Variants in MED17 observed in about 807,000 individuals in gnomAD.
MED17 encodes the protein mediator complex subunit 17, also known as mediator of RNA polymerase II transcription subunit 17.
A neutral mutation model predicts 80.8 loss-of-function variants in MED17; 49 were observed. The ratio of observed to expected loss-of-function variants is 0.61; its 90% CI spans 0.48 to 0.77. The LOEUF (loss-of-function observed/expected upper bound fraction) is 0.77, where lower values mean the gene tolerates loss of function less well. MED17 is among the 30% of genes least tolerant of loss of function. The probability of loss-of-function intolerance (pLI) is 0.00; values close to 1 mark genes in which losing one functional copy is unlikely to be tolerated. For missense variants in MED17, 718 were observed against 787.0 expected, an observed-to-expected ratio of 0.91 and a Z score of 1.05; for synonymous variants, 281 against 280.4, an observed-to-expected ratio of 1.00 and a Z score of -0.02.
rs1943902275 is a variant in MED17 at position 93,796,464 on chromosome 11, A to G, written c.1067A>G (p.Lys356Arg). The part of the protein sequence containing the change: ...CHSSNDKKSQ[K>R]FATEKQCPED... ...TCCTCAAATGATAAGAAATCCCAAAAATTTGCTACTGAGAAGCAATGTCCG... is the reference window on the plus strand; with the variant it reads ...TCCTCAAATGATAAGAAATCCCAAAGATTTGCTACTGAGAAGCAATGTCCG... Residue 356 changes from lysine (K) to arginine (R), a missense_variant, in exon 7 of 12, where the codon AAA becomes AGA. Transcript: ENST00000251871. The G allele has an allele frequency of 6.2e-7, 1 of 1,613,810 alleles. No homozygotes were observed. The highest frequency in any genetic ancestry group is 8.5e-7 in the Non-Finnish European group (1 of 1,179,672).
intron 1 of MED17, among the ~76,000 whole-genome samples, chr11:93,786,623 A>G (rs567847537): frequency 6.6e-6 from 1 of 152,000 alleles, no homozygotes; most frequent in Non-Finnish European, 1.5e-5. Context: ...GTGCGGCACC[A>G]TGCCTGGCTA....
intron 9 of MED17, among the ~76,000 whole-genome samples, chr11:93,802,852 T>A (rs1235855608): frequency 6.6e-6 from 1 of 152,180 alleles, no homozygotes; most frequent in Non-Finnish European, 1.5e-5. Context: ...TCTACTTGAT[T>A]TACATTCACA....
intron 9 of MED17, among the ~76,000 whole-genome samples, chr11:93,805,011 T>C (rs1944009842): frequency 6.6e-6 from 1 of 152,252 alleles, no homozygotes; most frequent in African/African-American, 2.4e-5. Flanking sequence ...TGCATTCTTC[T>C]CAGTTAAAAT....
At chr11:93,809,193 G>A in intron 10 of MED17, 2 of 223,426 alleles carry the variant, frequency 9.0e-6, no homozygotes, top group Admixed American at 5.2e-5. Context: ...TCCATCTTGA[G>A]AAGCCTAGCA....
Position 93,797,624 on chromosome 11 carries a change from A to C in MED17, c.1233A>C (p.Gln411His). ...GHKRMRLSGP[Q>H]AFDKNEINSL... ...AGAGAATGAGACTTTCGGGTCCTCA[A>C]GCTTTTGATAAAAATGAAATTAATT... is the stretch of plus-strand genomic sequence containing the variant. The change falls in exon 8 of 12, where the codon CAA (glutamine) becomes CAC (histidine). Residue 411 changes from glutamine to histidine, a missense_variant. Gln to His is a conservative substitution (Grantham distance 24). Transcript: ENST00000251871. The C allele has an allele frequency of 8.7e-6, 14 of 1,614,066 alleles. No individual in the cohort carries two copies. In the South Asian group the frequency reaches 9.9e-5, roughly 11 times the overall value.
rs1944117020 is a variant in MED17, at chr11:93,814,774, A to G, written c.*2710A>G. ...TATTCATATTTGTATGATGTTTTAT[A>G]TATGGTGAAGATATTGAGTGTTTTT... is the stretch of plus-strand genomic sequence containing the variant. On this transcript the variant is annotated 3_prime_UTR_variant, in exon 12 of 12. Coordinates refer to ENST00000251871, the MANE Select transcript of MED17 (RefSeq NM_004268.5). The G allele has an allele frequency of 6.6e-6, 1 of 152,204 alleles. No homozygotes were observed. Among genetic ancestry groups the G allele is most frequent in the South Asian group, 2.1e-4 (1 of 4,830 alleles). The allele number at this position is 152,204 out of a possible 1,614,324, so 9.4% of individuals were successfully genotyped here. A position where few individuals can be genotyped will look rare whatever the true frequency, so the allele number is the denominator to read the frequency against.
chr11:93,795,438 C>T (rs376519010), intron 6 of MED17: 188 of 263,252 alleles, frequency 7.1e-4, no homozygotes, highest in Non-Finnish European at 1.2e-3. Flanking sequence ...TTACTCTTAA[C>T]GCCTGTCATC....
rs770477706 is a variant in MED17, at chr11:93,812,022, A to G, written c.1914A>G (p.Lys638=). ...NKMEGRNFVY[K]MELLMSALSP... ...TGGAAGGTCGAAATTTTGTTTATAA[A>G]ATGGAGCTGCTTATGTCTGCACTTA... The change falls in exon 12 of 12, where the codon AAA becomes AAG. Residue 638 remains lysine, a synonymous_variant. Coordinates refer to ENST00000251871, the MANE Select transcript of MED17 (RefSeq NM_004268.5). 6.2e-6 allele frequency: 10 copies of G among 1,613,968 alleles called. No individual in the cohort carries two copies. The highest frequency in any genetic ancestry group is 8.5e-6 in the Non-Finnish European group (10 of 1,180,010).
In MED17 at chr11:93,784,365, C is replaced by G. The variant is rs1943744489; in HGVS notation, c.-149C>G. On this transcript the variant is annotated 5_prime_UTR_variant, in exon 1 of 12. Coordinates refer to ENST00000251871, the MANE Select transcript of MED17 (RefSeq NM_004268.5). ...CTGGGCCAGCTCCTTTGTTTCCAGT[C>G]TGAGCGTTGCGTTCGGTTTCCCGAG... The G allele has an allele frequency of 7.9e-6, 8 of 1,016,676 alleles. No homozygotes were observed. The highest frequency in any genetic ancestry group is 1.1e-5 in the Non-Finnish European group (8 of 718,770). 63.0% of individuals were successfully genotyped at this position (1,016,676 alleles called of 1,614,324 possible). A position where few individuals can be genotyped will look rare whatever the true frequency, so the allele number is the denominator to read the frequency against.
Position 93,801,857 on chromosome 11 carries a change from T to C in MED17, c.1351T>C (p.Leu451=). The change falls in exon 9 of 12, where the codon TTA becomes CTA. Residue 451 remains leucine (L), a synonymous_variant. Coordinates refer to ENST00000251871, the MANE Select transcript of MED17 (RefSeq NM_004268.5). ...RSRAAATIDS[L]ASRIEDPQIQ... is the part of the protein sequence containing the mutation. ...AAGAGCTGCTGCAACCATTGACAGC[T>C]TAGCAAGCCGAATTGAGGATCCTCA... 1 of 1,613,652 alleles carries C rather than the reference T, an allele frequency of 6.2e-7. No homozygotes were observed. Among genetic ancestry groups the C allele is most frequent in the South Asian group, 1.1e-5 (1 of 91,048 alleles).
chr11:93,808,945 C>T (rs1944058286), intron 10 of MED17: 1 of 152,932 alleles, frequency 6.5e-6, no homozygotes, highest in Admixed American at 6.5e-5. Context: ...TTCTAAATTG[C>T]CCCCATTGTA....
intron 10 of MED17, 82 bp from the exon 11 acceptor site, chr11:93,809,635 A>G (rs1282236326): frequency 1.3e-6 from 2 of 1,487,796 alleles, no homozygotes; most frequent in Non-Finnish European, 1.9e-6. Context: ...CACCCCAACA[A>G]AAGTTTACTT....
rs1943903926 is a variant in MED17, at chr11:93,796,532, A to G, written c.1135A>G (p.Ile379Val). The G allele has an allele frequency of 1.2e-6, 2 of 1,614,122 alleles. No homozygotes were observed. Among genetic ancestry groups the G allele is most frequent in the Non-Finnish European group, 1.7e-6 (2 of 1,179,996 alleles). ...YVLEHNLHLL[I>V]REFHKQTLSS... ...CCTAGAGCATAATTTGCATCTACTGATTAGAGAGGTAAGGAAATAAATGTT... is the reference window on the plus strand; with the variant it reads ...CCTAGAGCATAATTTGCATCTACTGGTTAGAGAGGTAAGGAAATAAATGTT... The change falls in exon 7 of 12, where the codon ATT becomes GTT. Residue 379 changes from isoleucine (I) to valine (V), a missense_variant. By Grantham distance (29) the Ile-to-Val change is conservative. Coordinates refer to ENST00000251871, the MANE Select transcript of MED17 (RefSeq NM_004268.5).
intron 6 of MED17, 103 bp downstream of exon 6, chr11:93,795,163 A>G (rs1381198098): frequency 7.9e-7 from 1 of 1,264,906 alleles, no homozygotes; most frequent in African/African-American, 1.5e-5. Context: ...TAATGAGAGC[A>G]AAGAAATAGT....
At chr11:93,786,617 G>A (rs1440011487) in intron 1 of MED17, among the ~76,000 whole-genome samples, 1 of 151,892 alleles carries the variant, frequency 6.6e-6, no homozygotes, top group Non-Finnish European at 1.5e-5. Context: ...GTAGGCGTGC[G>A]GCACCATGCC....
chr11:93,790,116 T>C (rs1943817548), intron 2 of MED17: 1 of 195,034 alleles, frequency 5.1e-6, no homozygotes, highest in Non-Finnish European at 1.1e-5. Flanking sequence ...TCAAATATTA[T>C]GTGCCAGGCA....
Position 93,814,901 on chromosome 11 carries a change from G to A in MED17, c.*2837G>A, listed in dbSNP as rs1409990689. On this transcript the variant is annotated 3_prime_UTR_variant, in exon 12 of 12. Transcript: ENST00000251871. ...TGGCCCTTAAATGCTGGGATTACAGGTATGAGCCACCATGCCTGGCCTCCT... is the reference window on the plus strand; with the variant it reads ...TGGCCCTTAAATGCTGGGATTACAGATATGAGCCACCATGCCTGGCCTCCT... The A allele has an allele frequency of 2.0e-5, 3 of 152,132 alleles. No individual in the cohort carries two copies. The highest frequency in any genetic ancestry group is 4.4e-5 in the Non-Finnish European group (3 of 68,034). 9.4% of individuals were successfully genotyped at this position (152,132 alleles called of 1,614,324 possible).
At chr11:93,787,749 G>C (rs1487167418) in intron 1 of MED17, among the ~76,000 whole-genome samples, 1 of 152,144 alleles carries the variant, frequency 6.6e-6, no homozygotes, top group East Asian at 1.9e-4. Flanking sequence ...AAAGAGATTT[G>C]AGTCTATAAT....
Position 93,792,865 on chromosome 11 carries a change from T to C in MED17, c.638-863T>C, listed in dbSNP as rs187575739. On this transcript the variant is annotated intron_variant, in intron 3 of 11. Coordinates refer to ENST00000251871, the MANE Select transcript of MED17 (RefSeq NM_004268.5). ...CTGAAGTGGGAGGATTGTTAAATCC[T>C]AGGAGTTTGAGGCTGCAGTGAGCTA... Among the ~76,000 whole-genome samples, 307 of 152,172 alleles carry C rather than the reference T, an allele frequency of 2.0e-3. 1 individual carries two copies. Among genetic ancestry groups the C allele is most frequent in the African/African-American group, 7.0e-3 (289 of 41,510 alleles).
Sources: gnomAD v4.1 joint callset for allele counts (sites outside exome capture counted in the v4.1 genomes callset) on GRCh38, gnomAD v4.1.1 for gene constraint, MANE v1.5 for transcripts, NCBI Gene and HGNC (gene_info 2026-07-23, HGNC 2026-07-21) for gene names.